The following EPHA6 variants were observed in gnomAD, a reference collection of about 807,000 sequenced individuals.
The protein encoded by EPHA6 is EPH receptor A6, also known as ephrin type-A receptor 6.
In EPHA6, 50 loss-of-function variants were observed where a neutral mutation model predicts 112.0. The ratio of observed to expected loss-of-function variants is 0.45; its 90% CI spans 0.36 to 0.56. The LOEUF is 0.56. Ranked by LOEUF, EPHA6 falls within the 20% of genes least tolerant of loss-of-function variation. The probability of loss-of-function intolerance (pLI) is 0.00; values close to 1 mark genes in which losing one functional copy is unlikely to be tolerated. For missense variants in EPHA6, 1,280 were observed against 1,417.4 expected (o/e 0.90, Z 1.56); for synonymous variants, 529 against 490.7 (o/e 1.08, Z -1.03).
At chr3:96,815,054 T>A in intron 1 of EPHA6, 46 bp downstream of exon 1, 2 of 1,459,402 alleles carry the variant, frequency 1.4e-6, no homozygotes, top group South Asian at 2.8e-5. Flanking sequence ...AGGAGGAGGG[T>A]GCTTGGAGAA....
chr3:97,021,816 A>G (rs147841330), intron 3 of EPHA6, among the ~76,000 whole-genome samples: 148 of 152,268 alleles, frequency 9.7e-4, no homozygotes, highest in African/African-American at 3.5e-3. Flanking sequence ...CAACCTATGC[A>G]TTTTGGGGAC....
chr3:96,871,443 C>T (rs1246415522), intron 2 of EPHA6, among the ~76,000 whole-genome samples: 1 of 151,780 alleles, frequency 6.6e-6, no homozygotes, highest in Non-Finnish European at 1.5e-5. Context: ...ATGAAAAATC[C>T]AGACTTCTAT....
intron 3 of EPHA6, among the ~76,000 whole-genome samples, chr3:97,015,225 C>T (rs544327196): frequency 9.2e-5 from 14 of 152,230 alleles, no homozygotes; most frequent in African/African-American, 3.4e-4. Flanking sequence ...TTACTAGTTG[C>T]TGAAACCTTA....
intron 6 of EPHA6, among the ~76,000 whole-genome samples, chr3:97,423,482 G>T (rs576930599): frequency 6.6e-6 from 1 of 151,892 alleles, no homozygotes; most frequent in Non-Finnish European, 1.5e-5. Flanking sequence ...AATATAAAAC[G>T]CTGCTCAAAA....
intron 3 of EPHA6, among the ~76,000 whole-genome samples, chr3:97,136,114 T>C (rs1204938952): frequency 3.9e-5 from 6 of 152,150 alleles, no homozygotes; most frequent in Non-Finnish European, 8.8e-5. Flanking sequence ...ATTTTCTTTC[T>C]AAGAAAACAT....
At position 96,987,339 on chromosome 3, in the gene EPHA6, A is replaced by G. The variant is rs2043060127; in HGVS notation, c.460A>G (p.Ile154Val). ...TTTTCCCTTTTTGCAGTGGGATGCC[A>G]TCACTGAAATGGATGAACATAATAG... ...KTYPLNGWDA[I>V]TEMDEHNRPI... Residue 154 changes from isoleucine (I) to valine (V), a missense_variant, in exon 3 of 18, where the codon ATC becomes GTC. Transcript: ENST00000389672. 8 of 1,593,366 alleles carry G rather than the reference A, an allele frequency of 5.0e-6. No homozygotes were observed. The highest frequency in any genetic ancestry group is 6.9e-6 in the Non-Finnish European group (8 of 1,164,416).
intron 3 of EPHA6, among the ~76,000 whole-genome samples, chr3:97,152,932 C>T (rs557599253): frequency 2.1e-3 from 322 of 152,128 alleles, no homozygotes; most frequent in African/African-American, 7.4e-3. Context: ...TTTCATCATG[C>T]TATCATGATG....
At chr3:97,332,496 T>A (rs867066645) in intron 5 of EPHA6, among the ~76,000 whole-genome samples, 1 of 152,172 alleles carries the variant, frequency 6.6e-6, no homozygotes, top group African/African-American at 2.4e-5. Context: ...CATGATTGTA[T>A]ATCTAGAAAA....
chr3:97,730,927 A>T (rs979004156), intron 15 of EPHA6, among the ~76,000 whole-genome samples: 1 of 152,104 alleles, frequency 6.6e-6, no homozygotes, highest in African/African-American at 2.4e-5. Flanking sequence ...GGTAAAACGG[A>T]ACACAGCAAA....
At chr3:96,899,557 AGT>A in intron 2 of EPHA6, among the ~76,000 whole-genome samples, 1 of 152,334 alleles carries the variant, frequency 6.6e-6, no homozygotes, top group East Asian at 1.9e-4. Flanking sequence ...AATTTTGATC[AGT>A]GTGTGTCCCT....
chr3:97,419,997 G>A (rs1355900355), intron 6 of EPHA6, among the ~76,000 whole-genome samples: 1 of 152,078 alleles, frequency 6.6e-6, no homozygotes, highest in Non-Finnish European at 1.5e-5. Flanking sequence ...AAAAAAACCT[G>A]ATTTTTAGAA....
chr3:97,072,012 C>A (rs934745057), intron 3 of EPHA6, among the ~76,000 whole-genome samples: 4 of 151,928 alleles, frequency 2.6e-5, no homozygotes, highest in African/African-American at 9.7e-5. Context: ...AAATAATGGT[C>A]TCCAATTTGA....
chr3:97,072,840 T>C (rs916697688), intron 3 of EPHA6, among the ~76,000 whole-genome samples: 4 of 152,158 alleles, frequency 2.6e-5, no homozygotes, highest in Non-Finnish European at 4.4e-5. Context: ...TTGACTGTTA[T>C]CAGTTCCTTC....
intron 16 of EPHA6, among the ~76,000 whole-genome samples, chr3:97,743,345 A>C (rs2035586440): frequency 6.6e-6 from 1 of 152,078 alleles, no homozygotes. Context: ...CTACACAAAA[A>C]CAGAGAGATG....
chr3:97,441,059 C>T (rs1018338753), intron 6 of EPHA6, among the ~76,000 whole-genome samples: 5 of 151,918 alleles, frequency 3.3e-5, no homozygotes, highest in African/African-American at 4.8e-5. Flanking sequence ...GCAGATAATT[C>T]CCATGTTGTG....
chr3:97,117,929 T>C (rs904017584), intron 3 of EPHA6, among the ~76,000 whole-genome samples: 3 of 151,874 alleles, frequency 2.0e-5, no homozygotes, highest in Admixed American at 2.0e-4. Context: ...GTATCATTTT[T>C]TGCTATATTC....
At chr3:97,729,459 G>C (rs574072567) in intron 15 of EPHA6, among the ~76,000 whole-genome samples, 92 of 152,144 alleles carry the variant, frequency 6.0e-4, no homozygotes, top group African/African-American at 2.2e-3. Flanking sequence ...AATATGTGCA[G>C]GGGGACTGCC....
At chr3:97,244,371 A>T (rs1453893504) in intron 5 of EPHA6, 84 bp downstream of exon 5, 1 of 1,195,566 alleles carries the variant, frequency 8.4e-7, no homozygotes, top group Admixed American at 1.8e-5. Context: ...TATTTATTGC[A>T]GGTGCTATGC....
At chr3:97,408,036 T>A (rs2087471939) in intron 6 of EPHA6, among the ~76,000 whole-genome samples, 2 of 152,018 alleles carry the variant, frequency 1.3e-5, no homozygotes, top group African/African-American at 4.8e-5. Context: ...GAGGGCCCCC[T>A]CCTCATTTCT....
Sources: gnomAD v4.1 joint callset for allele counts (sites outside exome capture counted in the v4.1 genomes callset) on GRCh38, gnomAD v4.1.1 for gene constraint, MANE v1.5 for transcripts, NCBI Gene and HGNC (gene_info 2026-07-23, HGNC 2026-07-21) for gene names.